Variants in FGF13 observed in about 807,000 individuals in gnomAD.
The protein encoded by FGF13 is fibroblast growth factor homologous factor 2.
Under a neutral mutation model 19.5 loss-of-function variants are expected in FGF13, and 2 were observed. The observed-to-expected ratio is 0.10, with a 90% confidence interval of 0.04 to 0.32. The LOEUF (loss-of-function observed/expected upper bound fraction) is 0.32. Among genes scored for constraint, FGF13 ranks in the 10% least tolerant of loss-of-function variants. FGF13 has a pLI of 1.00. For synonymous variants in FGF13, 72 were observed against 76.9 expected (o/e 0.94, Z 0.33); for missense variants, 113 against 192.7 (o/e 0.59, Z 2.45).
At chrX:138,788,331 G>A (rs1193451495) in intron 3 of FGF13, among the ~76,000 whole-genome samples, 1 of 112,101 alleles carries the variant, frequency 8.9e-6, no homozygotes, top group African/African-American at 3.3e-5. Context: ...TTAATGCTCT[G>A]CCCTCTAGAC....
rs762363361 is a variant in FGF13, at chrX:138,893,369, A to G, written c.-112-28719T>C. On this transcript the variant is annotated intron_variant, in intron 1 of 2. Coordinates refer to the FGF13 transcript ENST00000421460. ...CTTATGTTGAAGTGGTGCCTCGGAGATTACAAGGTGCCCTCACGTTTATTT... is the reference window on the plus strand; with the variant it reads ...CTTATGTTGAAGTGGTGCCTCGGAGGTTACAAGGTGCCCTCACGTTTATTT... 1.7e-3 allele frequency among the ~76,000 whole-genome samples: 188 copies of G among 111,548 alleles called. 1 individual carries two copies. The highest frequency in any genetic ancestry group is 5.9e-3 in the African/African-American group (182 of 30,677).
At chrX:138,987,093 C>T (rs2091997513) in intron 1 of FGF13, among the ~76,000 whole-genome samples, 1 of 112,182 alleles carries the variant, frequency 8.9e-6, no homozygotes, top group African/African-American at 3.2e-5. Context: ...ACTTCAGTTC[C>T]TCTACATACT....
At chrX:138,980,715 A>G (rs1374230110) in intron 1 of FGF13, among the ~76,000 whole-genome samples, 1 of 107,252 alleles carries the variant, frequency 9.3e-6, no homozygotes, top group Non-Finnish European at 1.9e-5. Flanking sequence ...TGGCAAGGAA[A>G]GCATAGAAGA....
chrX:138,752,738 C>T (rs893938305), intron 3 of FGF13, among the ~76,000 whole-genome samples: 1 of 111,845 alleles, frequency 8.9e-6, no homozygotes, highest in Non-Finnish European at 1.9e-5. Flanking sequence ...TCCTGAGTCT[C>T]TCAATTTTAT....
chrX:139,059,634 C>T lies in FGF13; in HGVS notation c.-113+143782G>A, dbSNP rs184491869. Among the ~76,000 whole-genome samples, 6 of 111,672 alleles carry T rather than the reference C, an allele frequency of 5.4e-5. No individual in the cohort carries two copies. The East Asian group carries it at 1.7e-3, about 31-fold the overall frequency. On this transcript the variant is annotated intron_variant, in intron 1 of 2. Coordinates refer to the FGF13 transcript ENST00000421460. ...TCTAGGCATGACCAATTTTCCTGTC[C>T]TTTTGCATAAATGTATGGAACATAA...
At position 138,615,766 on chromosome X, in the gene FGF13, G is replaced by A. The variant is rs1378678130; in HGVS notation, c.*17084C>T. 1 of 111,729 alleles carries A rather than the reference G, an allele frequency of 9.0e-6. No individual in the cohort carries two copies. Among genetic ancestry groups the A allele is most frequent in the Non-Finnish European group, 1.9e-5 (1 of 53,196 alleles). The allele number at this position is 111,729 out of a possible 1,213,427, so 9.2% of individuals were successfully genotyped here. The stretch of plus-strand genomic sequence containing the variant: ...AAGACTAGGTAATTTATAAAGGAAA[G>A]AGTTTTAACTGACTCACAGTTCCGC... On this transcript the variant is annotated 3_prime_UTR_variant, in exon 5 of 5. Transcript: ENST00000315930.
At chrX:138,905,650 T>C (rs1429641420) in intron 1 of FGF13, among the ~76,000 whole-genome samples, 3 of 112,129 alleles carry the variant, frequency 2.7e-5, no homozygotes, top group Non-Finnish European at 5.6e-5. Context: ...ACAAACAAAT[T>C]TCACTTTTGT....
chrX:138,993,016 T>A (rs756669154), intron 1 of FGF13, among the ~76,000 whole-genome samples: 1 of 111,828 alleles, frequency 8.9e-6, no homozygotes, highest in Non-Finnish European at 1.9e-5. Flanking sequence ...TTCTGTGTTA[T>A]CCCCACCAAA....
In FGF13 at chrX:139,047,400, T is replaced by C. The variant is rs186534333; in HGVS notation, c.-113+156016A>G. On this transcript the variant is annotated intron_variant, in intron 1 of 2. Transcript: ENST00000421460. ...AGAACATTTATTTTTTGGTTTTTTT[T>C]TTCTTTTTTTTATTATACTTTAAGT... Among the ~76,000 whole-genome samples, 667 of 111,577 alleles carry C rather than the reference T, an allele frequency of 6.0e-3. 2 individuals are homozygous for C. The highest frequency in any genetic ancestry group is 9.4e-3 in the Non-Finnish European group (500 of 53,127).
intron 1 of FGF13, among the ~76,000 whole-genome samples, chrX:138,720,143 T>A (rs993163349): frequency 8.9e-6 from 1 of 112,679 alleles, no homozygotes; most frequent in Non-Finnish European, 1.9e-5. Flanking sequence ...ATTACTTATG[T>A]CATTGATATG....
chrX:139,204,227 G>A, upstream of FGF13: 1 of 675,337 alleles, frequency 1.5e-6, no homozygotes, highest in Admixed American at 2.6e-5. Context: ...GGTGTGGTTC[G>A]GGGCGGAATC....
At chrX:139,005,216 A>G (rs762832790) in intron 1 of FGF13, among the ~76,000 whole-genome samples, 1 of 33,042 alleles carries the variant, frequency 3.0e-5, no homozygotes, top group South Asian at 2.2e-3. Context: ...CCCCAGCTCC[A>G]GGTGGTACAG....
At chrX:139,197,863 G>A (rs1239095473) in intron 1 of FGF13, among the ~76,000 whole-genome samples, 1 of 107,869 alleles carries the variant, frequency 9.3e-6, no homozygotes, top group Non-Finnish European at 1.9e-5. Flanking sequence ...CGGTGGTGGC[G>A]TGTGCCTGTA....
intron 3 of FGF13, among the ~76,000 whole-genome samples, chrX:138,821,237 T>G (rs942684898): frequency 3.6e-5 from 4 of 111,737 alleles, no homozygotes; most frequent in Non-Finnish European, 5.6e-5. Flanking sequence ...AGCTTATAAC[T>G]GCATTGTCCA....
chrX:138,724,147 G>A (rs749807385), intron 1 of FGF13, among the ~76,000 whole-genome samples: 28 of 111,952 alleles, frequency 2.5e-4, no homozygotes, highest in Middle Eastern at 9.3e-3. Context: ...ATAAGACAAA[G>A]GAAGAGAAGC....
intron 1 of FGF13, among the ~76,000 whole-genome samples, chrX:138,994,075 C>A (rs1222779734): frequency 2.7e-5 from 3 of 111,702 alleles, no homozygotes; most frequent in Non-Finnish European, 5.6e-5. Context: ...TTGCTGTTGT[C>A]ATTTTGTTTT....
At chrX:138,742,489 GCTCT>G (rs10605205), upstream of FGF13, among the ~76,000 whole-genome samples, 61 of 103,403 alleles carry the variant, frequency 5.9e-4, no homozygotes, top group South Asian at 1.8e-3. Flanking sequence ...TCAGCAAGGG[GCTCT>G]CTCTCTCTCT....
intron 1 of FGF13, among the ~76,000 whole-genome samples, chrX:138,984,554 GA>G (rs1287005544): frequency 2.5e-5 from 1 of 39,652 alleles, no homozygotes; most frequent in African/African-American, 9.0e-5. Flanking sequence ...AGAAGAAGAA[GA>G]AGAAGAAGAA....
At chrX:139,203,710 G>T (rs1227709183), upstream of FGF13, among the ~76,000 whole-genome samples, 2 of 112,082 alleles carry the variant, frequency 1.8e-5, no homozygotes, top group Non-Finnish European at 3.8e-5. Context: ...GCACACACAT[G>T]CACTCATACA....
Sources: allele counts gnomAD v4.1 joint callset (sites outside exome capture counted in the v4.1 genomes callset), GRCh38; gene constraint gnomAD v4.1.1; transcripts MANE v1.5; gene names NCBI Gene and HGNC (gene_info 2026-07-23, HGNC 2026-07-21).